Variants in GRIK2 observed in about 807,000 individuals in gnomAD.
GRIK2 encodes the protein glutamate receptor ionotropic, kainate 2.
A neutral mutation model predicts 100.3 loss-of-function variants in GRIK2; 32 were observed. The ratio of observed to expected loss-of-function variants is 0.32; its 90% CI spans 0.24 to 0.43. GRIK2 has a LOEUF of 0.43. GRIK2 is among the 20% of genes least tolerant of loss of function. The pLI, the probability that GRIK2 is intolerant of heterozygous loss-of-function variation, is 1.00. For missense variants in GRIK2, 843 were observed against 1,114.9 expected, an observed-to-expected ratio of 0.76 and a Z score of 3.47; for synonymous variants, 417 against 389.4, an observed-to-expected ratio of 1.07 and a Z score of -0.83.
At chr6:101,579,941 A>G (rs556253027) in intron 2 of GRIK2, among the ~76,000 whole-genome samples, 2 of 151,922 alleles carry the variant, frequency 1.3e-5, no homozygotes, top group Non-Finnish European at 2.9e-5. Flanking sequence ...TCTTTTTTAA[A>G]TTCCTTTCCA....
chr6:101,446,606 G>A (rs186706464), intron 2 of GRIK2, among the ~76,000 whole-genome samples: 3 of 151,884 alleles, frequency 2.0e-5, no homozygotes, highest in Admixed American at 2.0e-4. Flanking sequence ...AGTAAGACAT[G>A]TTTCTGAACA....
At chr6:101,761,269 G>A (rs1023965452) in intron 7 of GRIK2, among the ~76,000 whole-genome samples, 2 of 152,084 alleles carry the variant, frequency 1.3e-5, no homozygotes, top group Non-Finnish European at 2.9e-5. Flanking sequence ...TGGTATGTCT[G>A]GTGCTGAGCA....
rs977763485 is a variant in GRIK2, at chr6:101,767,780, A to G, written c.952-31868A>G. On this transcript the variant is annotated intron_variant, in intron 7 of 16. Coordinates refer to ENST00000369134, the MANE Select transcript of GRIK2 (RefSeq NM_021956.5). Reference sequence around the variant, plus strand: ...ACTATTACAATGCATTATAATAGGAATATATTATTTTATGAGTATGGAAAT... The same window carrying G: ...ACTATTACAATGCATTATAATAGGAGTATATTATTTTATGAGTATGGAAAT... Among the ~76,000 whole-genome samples the G allele has an allele frequency of 3.9e-5, 6 of 152,306 alleles. No homozygotes were observed. In the East Asian group the frequency reaches 1.2e-3, roughly 29 times the overall value.
chr6:101,458,368 A>C (rs998994283), intron 2 of GRIK2, among the ~76,000 whole-genome samples: 2 of 152,202 alleles, frequency 1.3e-5, no homozygotes, highest in African/African-American at 2.4e-5. Context: ...GGGAATACAC[A>C]TTCTTTTAAT....
intron 14 of GRIK2, among the ~76,000 whole-genome samples, chr6:102,008,133 T>C (rs1024033589): frequency 2.0e-5 from 3 of 152,114 alleles, no homozygotes; most frequent in African/African-American, 7.2e-5. Flanking sequence ...GATGGGCAGA[T>C]GTCATGAAGT....
chr6:101,926,036 A>G (rs1028985724), intron 13 of GRIK2, among the ~76,000 whole-genome samples: 1 of 151,122 alleles, frequency 6.6e-6, no homozygotes, highest in Admixed American at 6.6e-5. Flanking sequence ...CTATATTTTT[A>G]TATATAGTTT....
At chr6:101,891,749 A>G (rs898752076) in intron 12 of GRIK2, among the ~76,000 whole-genome samples, 1 of 152,120 alleles carries the variant, frequency 6.6e-6, no homozygotes, top group African/African-American at 2.4e-5. Flanking sequence ...TTAAAATTTT[A>G]TGTGACTTTT....
intron 7 of GRIK2, among the ~76,000 whole-genome samples, chr6:101,797,719 A>G (rs138577245): frequency 6.8e-6 from 1 of 146,832 alleles, no homozygotes; most frequent in South Asian, 2.1e-4. Context: ...ATAATAGTTT[A>G]TATTATATAT....
intron 14 of GRIK2, among the ~76,000 whole-genome samples, chr6:102,011,310 T>A (rs74863154): frequency 6.6e-6 from 1 of 152,088 alleles, no homozygotes; most frequent in East Asian, 1.9e-4. Flanking sequence ...TGCTAAAAAA[T>A]TTTCATAAGC....
At position 101,595,716 on chromosome 6, in the gene GRIK2, G is replaced by GTATA. The variant is rs751726535; in HGVS notation, c.116-26232_116-26231insATAT. On this transcript the variant is annotated intron_variant, in intron 2 of 16. Transcript: ENST00000369134. ...TATATATATGTGTGTGTGTGTGTGTGTGTATATATATATATATATATATAT... is the reference window on the plus strand; with the variant it reads ...TATATATATGTGTGTGTGTGTGTGTGTATATGTATATATATATATATATATATAT... Among the ~76,000 whole-genome samples, 1,401 of 133,692 alleles carry GTATA rather than the reference G, an allele frequency of 0.01. 62 individuals carry two copies. The East Asian group carries it at 0.14, about 13-fold the overall frequency. 87.7% of individuals were successfully genotyped at this position (133,692 alleles called of 152,430 possible). A position where few individuals can be genotyped will look rare whatever the true frequency, so the allele number is the denominator to read the frequency against.
intron 15 of GRIK2, among the ~76,000 whole-genome samples, chr6:102,041,513 C>T (rs1352471051): frequency 2.0e-5 from 3 of 151,464 alleles, no homozygotes; most frequent in Admixed American, 1.3e-4. Context: ...CATTTGCTGA[C>T]CCTCATGTGA....
rs183593229 is a variant in GRIK2, at chr6:102,058,711, G to T, written c.2562+3131G>T. ...GTTTACTTTTACTTATCATAATTGTGTCTTTAACCTAGATGTCTTATATTT... is the reference window on the plus strand; with the variant it reads ...GTTTACTTTTACTTATCATAATTGTTTCTTTAACCTAGATGTCTTATATTT... On this transcript the variant is annotated intron_variant, in intron 16 of 16. Coordinates refer to ENST00000369134, the MANE Select transcript of GRIK2 (RefSeq NM_021956.5). Among the ~76,000 whole-genome samples the T allele has an allele frequency of 1.1e-4, 16 of 151,422 alleles. 1 individual carries two copies. Among genetic ancestry groups the T allele is most frequent in the Admixed American group, 9.9e-4 (15 of 15,148 alleles).
At chr6:101,819,417 T>A (rs2128422421) in intron 10 of GRIK2, among the ~76,000 whole-genome samples, 1 of 152,008 alleles carries the variant, frequency 6.6e-6, no homozygotes, top group East Asian at 1.9e-4. Flanking sequence ...CATGTCAAAA[T>A]GAAGTAGCTT....
At chr6:101,622,614 C>A (rs1482345589) in intron 3 of GRIK2, among the ~76,000 whole-genome samples, 2 of 151,848 alleles carry the variant, frequency 1.3e-5, no homozygotes, top group African/African-American at 4.8e-5. Flanking sequence ...ATGTATATTC[C>A]ATGCTCATAT....
chr6:101,451,494 T>C (rs908153610), intron 2 of GRIK2, among the ~76,000 whole-genome samples: 5 of 151,746 alleles, frequency 3.3e-5, no homozygotes, highest in Non-Finnish European at 7.4e-5. Context: ...AGACTAATTA[T>C]GTGGAATTTA....
chr6:101,878,853 G>T (rs1294995760), intron 11 of GRIK2, among the ~76,000 whole-genome samples: 1 of 151,906 alleles, frequency 6.6e-6, no homozygotes, highest in Non-Finnish European at 1.5e-5. Flanking sequence ...TAAGAGTCTG[G>T]TTCAGATTCT....
intron 12 of GRIK2, among the ~76,000 whole-genome samples, chr6:101,910,839 C>CCACACACACACACACACACACACACACA (rs142489212): frequency 7.0e-6 from 1 of 143,266 alleles, no homozygotes; most frequent in African/African-American, 2.7e-5. Context: ...CCAACATACA[C>CCACACACACACACACACACACACACACA]CACACACACA....
intron 2 of GRIK2, among the ~76,000 whole-genome samples, chr6:101,560,077 G>T (rs1776929176): frequency 6.6e-6 from 1 of 152,050 alleles, no homozygotes; most frequent in Non-Finnish European, 1.5e-5. Context: ...TTAAACAAAT[G>T]GTTAGGAATT....
At chr6:101,940,968 G>A (rs1039515821) in intron 14 of GRIK2, among the ~76,000 whole-genome samples, 1 of 152,026 alleles carries the variant, frequency 6.6e-6, no homozygotes, top group Non-Finnish European at 1.5e-5. Flanking sequence ...CCTCATATAA[G>A]ATGTTGTATT....
Sources: gnomAD v4.1 joint callset for allele counts (sites outside exome capture counted in the v4.1 genomes callset) on GRCh38, gnomAD v4.1.1 for gene constraint, MANE v1.5 for transcripts, NCBI Gene and HGNC (gene_info 2026-07-23, HGNC 2026-07-21) for gene names.